RIF1: variants seen among roughly 807,000 people sequenced by gnomAD.
The protein encoded by RIF1 is telomere-associated protein RIF1.
A neutral mutation model predicts 247.1 loss-of-function variants in RIF1; 45 were observed. The ratio of observed to expected loss-of-function variants is 0.18; its 90% CI spans 0.14 to 0.23. RIF1 has a LOEUF of 0.23. Ranked by LOEUF, RIF1 falls within the 10% of genes least tolerant of loss-of-function variation. The pLI, the probability that RIF1 is intolerant of heterozygous loss-of-function variation, is 1.00. For missense variants in RIF1, 2,967 were observed against 2,862.5 expected (o/e 1.04, Z -0.83); for synonymous variants, 1,087 against 978.8 (o/e 1.11, Z -2.06).
intron 1 of RIF1, 77 bp from the exon 2 acceptor site, chr2:151,410,337 G>A: frequency 8.7e-7 from 1 of 1,155,896 alleles, no homozygotes; most frequent in Non-Finnish European, 1.3e-6. Flanking sequence ...GGGTGTGAGG[G>A]CCGGACTCAC....
chr2:151,416,795 T>C lies in RIF1; in HGVS notation c.409-12T>C. 6.2e-7 allele frequency: 1 copy of C among 1,604,800 alleles called. No homozygotes were observed. Among genetic ancestry groups the C allele is most frequent in the Non-Finnish European group, 8.5e-7 (1 of 1,175,604 alleles). ...GCTTATTTCATTTGTATTTATTTGG[T>C]TCGTTTTTTAGGTATCCAGTATAAT... is the stretch of plus-strand genomic sequence containing the variant. On this transcript the variant is annotated splice_polypyrimidine_tract_variant and intron_variant, in intron 5 of 35. Transcript: ENST00000444746.
In RIF1 at chr2:151,443,380, A is replaced by G. The variant is rs749685394; in HGVS notation, c.1805+51A>G. ...TTTGTCTTGGAAAGGTTATGTAATG[A>G]ATGAGATTATTTATGTACTATTTCA... On this transcript the variant is annotated intron_variant, in intron 17 of 35. Transcript: ENST00000444746. 4.4e-6 allele frequency: 6 copies of G among 1,360,974 alleles called. No homozygotes were observed. The African/African-American group carries it at 7.3e-5, about 17-fold the overall frequency. 84.3% of individuals were successfully genotyped at this position (1,360,974 alleles called of 1,614,324 possible). A position where few individuals can be genotyped will look rare whatever the true frequency, so the allele number is the denominator to read the frequency against.
intron 10 of RIF1, chr2:151,496,915 G>GT (rs762961586): frequency 6.3e-5 from 96 of 1,527,578 alleles, no homozygotes; most frequent in Admixed American, 2.2e-4. Flanking sequence ...TCAGTAAGTA[G>GT]TTTTTTTCTT....
chr2:151,486,353 G>A (rs2050367602), downstream of RIF1: 1 of 162,250 alleles, frequency 6.2e-6, no homozygotes, highest in African/African-American at 2.4e-5. Flanking sequence ...GACAATAACA[G>A]ACATTAGAAA....
At position 151,464,671 on chromosome 2, in the gene RIF1, A is replaced by C. The variant is rs777296918; in HGVS notation, c.5151A>C (p.Glu1717Asp). 3 of 1,613,034 alleles carry C rather than the reference A, an allele frequency of 1.9e-6. No homozygotes were observed. The South Asian group carries it at 3.3e-5, about 18-fold the overall frequency. The change falls in exon 30 of 36, where the codon GAA (glutamate) becomes GAC (aspartate). Residue 1717 changes from glutamate to aspartate, a missense_variant. Physicochemically the swap from Glu to Asp is conservative, Grantham distance 45 (BLOSUM62 2). This residue lies in a region of RIF1 where 2,028 missense variants were observed against 1,825.6 expected (regional missense o/e 1.11). Transcript: ENST00000444746. ...CAGAAAAAACTTTTCAAACACTTGA[A>C]TGCCAACACAAGAGAAGTAGGAGGG... ...SLSEKTFQTL[E>D]CQHKRSRRVR...
At position 151,464,854 on chromosome 2, in the gene RIF1, A is replaced by G. The variant is rs1696674040; in HGVS notation, c.5334A>G (p.Gln1778=). The G allele has an allele frequency of 6.2e-7, 1 of 1,603,540 alleles. No individual in the cohort carries two copies. Among genetic ancestry groups the G allele is most frequent in the Non-Finnish European group, 8.5e-7 (1 of 1,177,384 alleles). ...QAPVSPSETS[Q]ANPYSEGQFL... Reference sequence around the variant, plus strand: ...CTGTAAGCCCATCAGAAACTTCTCAAGCTAATCCATATTCTGAAGGACAAT... The same window carrying G: ...CTGTAAGCCCATCAGAAACTTCTCAGGCTAATCCATATTCTGAAGGACAAT... Residue 1778 remains glutamine (Q), a synonymous_variant, in exon 30 of 36, where the codon CAA becomes CAG. Transcript: ENST00000444746.
chr2:151,520,104 T>G, the RIF1 span: 2 of 173,150 alleles, frequency 1.2e-5, no homozygotes, highest in East Asian at 1.5e-4. Context: ...TGTACTTGAT[T>G]TGGAGCATTT....
chr2:151,516,545 A>G, the RIF1 span: 1 of 1,610,678 alleles, frequency 6.2e-7, no homozygotes, highest in Non-Finnish European at 8.5e-7. Context: ...TCCTTTTCAT[A>G]CTTTTCTTTG....
In RIF1 at chr2:151,464,641, G is replaced by A. The variant is rs201978998; in HGVS notation, c.5121G>A (p.Ser1707=). The A allele has an allele frequency of 6.6e-5, 106 of 1,613,274 alleles. No individual in the cohort carries two copies. Among genetic ancestry groups the A allele is most frequent in the Non-Finnish European group, 8.4e-5 (99 of 1,179,648 alleles). ...AAATAGGGATATCAGATATTTCTTCGCTTTCAGAAAAAACTTTTCAAACAC... is the reference window on the plus strand; with the variant it reads ...AAATAGGGATATCAGATATTTCTTCACTTTCAGAAAAAACTTTTCAAACAC... ...SSKIGISDIS[S]LSEKTFQTLE... is the part of the protein sequence containing the mutation. The change falls in exon 30 of 36, where the codon TCG becomes TCA. Residue 1707 remains serine, a synonymous_variant. Transcript: ENST00000444746.
intron 9 of RIF1, chr2:151,494,267 A>G (rs1399984732): frequency 1.9e-6 from 3 of 1,557,190 alleles, no homozygotes; most frequent in Non-Finnish European, 1.8e-6. Context: ...TGGGAATCCA[A>G]TGGGTCCAAA....
intron 3 of RIF1, among the ~76,000 whole-genome samples, chr2:151,414,222 G>A (rs925369054): frequency 4.6e-5 from 7 of 151,896 alleles, no homozygotes; most frequent in South Asian, 2.1e-4. Context: ...GGAAGCAGAG[G>A]TTGCAGGGAA....
At chr2:151,512,539 C>T (rs1231242288), downstream of RIF1, among the ~76,000 whole-genome samples, 3 of 152,108 alleles carry the variant, frequency 2.0e-5, no homozygotes, top group African/African-American at 7.2e-5. Context: ...ATCTCAAACT[C>T]GTGGACTTAA....
chr2:151,533,729 G>A, the RIF1 span, among the ~76,000 whole-genome samples: 4 of 152,176 alleles, frequency 2.6e-5, no homozygotes, highest in Non-Finnish European at 4.4e-5. Context: ...CAATGCTTGC[G>A]GTTGGCCATT....
At chr2:151,508,785 C>G (rs2071435915), downstream of RIF1, among the ~76,000 whole-genome samples, 2 of 152,232 alleles carry the variant, frequency 1.3e-5, no homozygotes, top group South Asian at 4.1e-4. Flanking sequence ...ATCACTATTC[C>G]TTGGGCTCCC....
intron 33 of RIF1, among the ~76,000 whole-genome samples, chr2:151,469,281 G>A (rs1405452115): frequency 6.6e-6 from 1 of 152,126 alleles, no homozygotes; most frequent in Admixed American, 6.5e-5. Flanking sequence ...GTGATGCCTT[G>A]AGATAGTTTC....
intron 6 of RIF1, among the ~76,000 whole-genome samples, chr2:151,419,019 A>G (rs992847531): frequency 5.5e-5 from 8 of 145,194 alleles, no homozygotes; most frequent in African/African-American, 1.8e-4. Flanking sequence ...GGTTAGCAAC[A>G]TAACACATCA....
rs748019642 is a variant in RIF1 at position 151,416,632 on chromosome 2, A to G, written c.352A>G (p.Arg118Gly). 2 of 1,612,404 alleles carry G rather than the reference A, an allele frequency of 1.2e-6. No homozygotes were observed. Among genetic ancestry groups the G allele is most frequent in the East Asian group, 2.2e-5 (1 of 44,816 alleles). The stretch of plus-strand genomic sequence containing the variant: ...GAATTCAGACAAAAATGTACGTACT[A>G]GAGCACTTTGGGTGATATCTAAGCA... ...IKNSDKNVRT[R>G]ALWVISKQTF... Residue 118 changes from arginine to glycine, a missense_variant, in exon 5 of 36, where the codon AGA (arginine) becomes GGA (glycine). Around this residue, in one of 7 missense-constraint regions of RIF1, gnomAD observed 269 missense variants for 288.6 expected, o/e 0.93. Transcript: ENST00000444746.
rs749174010 is a variant in RIF1, at chr2:151,494,118, T to A, written c.*416-1111T>A. 6 of 1,506,678 alleles carry A rather than the reference T, an allele frequency of 4.0e-6. No homozygotes were observed. In the South Asian group the frequency reaches 7.1e-5, roughly 18 times the overall value. 93.3% of individuals were successfully genotyped at this position (1,506,678 alleles called of 1,614,324 possible). On this transcript the variant is annotated intron_variant and NMD_transcript_variant, in intron 9 of 13. Transcript: ENST00000454583. ...TAGGAGCAGGCCAAACTGCAAGAGT[T>A]ATTTTGCAAAATTAAAAGCACTTTT...
chr2:151,427,812 C>G (rs1689390559), intron 8 of RIF1, among the ~76,000 whole-genome samples: 1 of 151,890 alleles, frequency 6.6e-6, no homozygotes, highest in Admixed American at 6.6e-5. Flanking sequence ...CGCCTGTAAT[C>G]CCAGCACTTT....
Sources: gnomAD v4.1 joint callset for allele counts (sites outside exome capture counted in the v4.1 genomes callset) on GRCh38, gnomAD v4.1.1 for gene constraint, gnomAD v4.1.1 regional missense constraint, MANE v1.5 for transcripts, NCBI Gene and HGNC (gene_info 2026-07-23, HGNC 2026-07-21) for gene names.